CCDC171: variants seen among roughly 807,000 people sequenced by gnomAD.
CCDC171 encodes coiled-coil domain-containing protein 171.
A neutral mutation model predicts 168.2 loss-of-function variants in CCDC171; 177 were observed. That is an observed-to-expected ratio of 1.05 (90% CI 0.93 to 1.19). The LOEUF (loss-of-function observed/expected upper bound fraction) is 1.19, where lower values mean the gene tolerates loss of function less well. CCDC171 is among the 50% of genes most tolerant of loss of function. CCDC171 has a pLI of 0.00. For synonymous variants in CCDC171, 687 were observed against 540.8 expected, an observed-to-expected ratio of 1.27 and a Z score of -3.75; for missense variants, 1,991 against 1,539.0, an observed-to-expected ratio of 1.29 and a Z score of -4.91.
chr9:15,562,633 C>G (rs891778124), intron 1 of CCDC171, among the ~76,000 whole-genome samples: 3 of 152,182 alleles, frequency 2.0e-5, no homozygotes, highest in Admixed American at 1.3e-4. Flanking sequence ...AAGGCCCTAA[C>G]TATCTGAAAT....
At position 15,750,051 on chromosome 9, in the gene CCDC171, A is replaced by T. The variant is rs1268806589; in HGVS notation, c.2671+4420A>T. On this transcript the variant is annotated intron_variant, in intron 18 of 25. Transcript: ENST00000380701. Reference sequence around the variant, plus strand: ...GAATCCAGGAGCTGTTTTTTTTTTTAAAAGATCAACAAAATAGACTGCTAG... The same window carrying T: ...GAATCCAGGAGCTGTTTTTTTTTTTTAAAGATCAACAAAATAGACTGCTAG... Among the ~76,000 whole-genome samples, 42 of 139,298 alleles carry T rather than the reference A, an allele frequency of 3.0e-4. 1 individual carries two copies. Among genetic ancestry groups the T allele is most frequent in the South Asian group, 7.2e-4 (3 of 4,144 alleles). 91.4% of individuals were successfully genotyped at this position (139,298 alleles called of 152,430 possible).
At chr9:15,617,379 GT>G (rs767843005) in intron 6 of CCDC171, among the ~76,000 whole-genome samples, 240 of 138,770 alleles carry the variant, frequency 1.7e-3, no homozygotes, top group South Asian at 1.4e-3. Context: ...TTGTGGGAGG[GT>G]TTTTTTTTTT....
intron 7 of CCDC171, among the ~76,000 whole-genome samples, chr9:15,635,388 A>G (rs2046123497): frequency 6.6e-6 from 1 of 152,204 alleles, no homozygotes; most frequent in Non-Finnish European, 1.5e-5. Context: ...GTATATATAT[A>G]TAAATCACAG....
At chr9:15,750,574 A>C (rs1215144000) in intron 18 of CCDC171, among the ~76,000 whole-genome samples, 3 of 152,052 alleles carry the variant, frequency 2.0e-5, no homozygotes, top group African/African-American at 7.2e-5. Context: ...TCAATAAAAT[A>C]CTGGCAAACC....
At chr9:15,652,902 C>A (rs1587751574) in intron 7 of CCDC171, among the ~76,000 whole-genome samples, 1 of 152,036 alleles carries the variant, frequency 6.6e-6, no homozygotes, top group Non-Finnish European at 1.5e-5. Context: ...GATGTAATTG[C>A]TTTTTTATAT....
At chr9:15,753,459 A>C (rs1012854729) in intron 18 of CCDC171, among the ~76,000 whole-genome samples, 1 of 152,148 alleles carries the variant, frequency 6.6e-6, no homozygotes, top group African/African-American at 2.4e-5. Context: ...CGGAAGAGAG[A>C]TGTATCATTG....
At chr9:15,922,415 C>T (rs1285837050) in intron 25 of CCDC171, among the ~76,000 whole-genome samples, 1 of 151,624 alleles carries the variant, frequency 6.6e-6, no homozygotes, top group East Asian at 1.9e-4. Context: ...CTTTGTATTT[C>T]GTAGATGAGA....
At chr9:15,554,451 G>T (rs147376853) in intron 1 of CCDC171, among the ~76,000 whole-genome samples, 80 of 152,272 alleles carry the variant, frequency 5.3e-4, no homozygotes, top group Non-Finnish European at 9.0e-4. Flanking sequence ...AAGATGAAGG[G>T]CATAGTCTTA....
intron 23 of CCDC171, among the ~76,000 whole-genome samples, chr9:15,863,691 A>T (rs946473796): frequency 6.6e-6 from 1 of 152,088 alleles, no homozygotes; most frequent in Non-Finnish European, 1.5e-5. Context: ...ATTGATTTAA[A>T]GTACTTATGT....
Position 15,998,507 on chromosome 9 carries a change from C to T in CCDC171, n.369-22082C>T, listed in dbSNP as rs75949039. Among the ~76,000 whole-genome samples, 809 of 152,292 alleles carry T rather than the reference C, an allele frequency of 5.3e-3. 5 individuals carry two copies. The highest frequency in any genetic ancestry group is 0.019 in the African/African-American group (769 of 41,566). On this transcript the variant is annotated intron_variant and non_coding_transcript_variant, in intron 3 of 9. Coordinates refer to the CCDC171 transcript ENST00000486641. ...TTTGGGGAGGAAAGGCGAGTCCATA[C>T]GCAGATTGTCTATTCCTTTGAGACT...
intron 24 of CCDC171, chr9:15,888,946 TTTC>T (rs1276086654): frequency 2.6e-4 from 34 of 132,884 alleles, no homozygotes; most frequent in African/African-American, 5.6e-5. Flanking sequence ...TCATTTTTCT[TTTC>T]TTTTTTTTTT....
At chr9:15,802,309 C>T (rs140626333) in intron 21 of CCDC171, among the ~76,000 whole-genome samples, 46 of 152,000 alleles carry the variant, frequency 3.0e-4, no homozygotes, top group Middle Eastern at 3.4e-3. Flanking sequence ...TTGTTACCTA[C>T]GTAAATGTGT....
intron 2 of CCDC171, among the ~76,000 whole-genome samples, chr9:15,565,850 T>C (rs1043824304): frequency 1.3e-5 from 2 of 152,270 alleles, no homozygotes; most frequent in Non-Finnish European, 2.9e-5. Flanking sequence ...ACATATGTTT[T>C]TGTTTCCCTT....
intron 3 of CCDC171, among the ~76,000 whole-genome samples, chr9:15,983,594 C>G (rs16933881): frequency 0.026 from 3,909 of 150,834 alleles, 172 homozygotes; most frequent in African/African-American, 0.091. Flanking sequence ...AAGGGATCCT[C>G]AGTTCTCCTC....
intron 25 of CCDC171, among the ~76,000 whole-genome samples, chr9:15,948,208 C>T (rs921235889): frequency 6.6e-6 from 1 of 151,210 alleles, no homozygotes; most frequent in African/African-American, 2.4e-5. Flanking sequence ...GCCACATTTT[C>T]TTAATCCAGT....
chr9:15,750,786 A>G (rs1588292122), intron 18 of CCDC171, among the ~76,000 whole-genome samples: 1 of 152,214 alleles, frequency 6.6e-6, no homozygotes, highest in East Asian at 1.9e-4. Context: ...TCTCATAATA[A>G]TAAGAGCTGT....
At chr9:15,571,875 A>T (rs2040250765) in intron 3 of CCDC171, 116 bp downstream of exon 3, 2 of 871,662 alleles carry the variant, frequency 2.3e-6, no homozygotes, top group Admixed American at 6.9e-5. Context: ...TGGGCTTAAA[A>T]AGGAAATTGT....
At chr9:15,610,476 A>AAAAAAAAAAAAAAC in intron 6 of CCDC171, among the ~76,000 whole-genome samples, 1 of 142,968 alleles carries the variant, frequency 7.0e-6, no homozygotes, top group East Asian at 2.1e-4. Flanking sequence ...AAAAAAAAAA[A>AAAAAAAAAAAAAAC]AAAAACTGGG....
chr9:15,677,501 T>C (rs539351630), intron 9 of CCDC171, among the ~76,000 whole-genome samples: 88 of 152,026 alleles, frequency 5.8e-4, no homozygotes, highest in Non-Finnish European at 9.3e-4. Flanking sequence ...AGCCACCCTG[T>C]CTCCTGCAAT....
Sources: allele counts gnomAD v4.1 joint callset (sites outside exome capture counted in the v4.1 genomes callset), GRCh38; gene constraint gnomAD v4.1.1; transcripts MANE v1.5; gene names NCBI Gene and HGNC (gene_info 2026-07-23, HGNC 2026-07-21).